The following NOBOX variants were observed in gnomAD, a reference collection of about 807,000 sequenced individuals.
The protein encoded by NOBOX is NOBOX oogenesis homeobox, also known as homeobox protein NOBOX.
NOBOX carries 46 observed loss-of-function variants against 60.2 expected under a neutral mutation model. The observed-to-expected ratio is 0.76, with a 90% CI of 0.60 to 0.98. The LOEUF is 0.98. Ranked by LOEUF, NOBOX falls within the 50% of genes least tolerant of loss-of-function variation. The pLI is 0.00. For missense variants in NOBOX, 880 were observed against 865.5 expected, an observed-to-expected ratio of 1.02 and a Z score of -0.21; for synonymous variants, 360 against 346.3, an observed-to-expected ratio of 1.04 and a Z score of -0.44.
At chr7:144,397,805 G>C (rs1255661754) in intron 9 of NOBOX, among the ~76,000 whole-genome samples, 8 of 152,144 alleles carry the variant, frequency 5.3e-5, no homozygotes, top group African/African-American at 1.4e-4. Flanking sequence ...GCAACAAGGA[G>C]ACCAGGAACC....
intron 2 of NOBOX, among the ~76,000 whole-genome samples, chr7:144,402,409 A>G (rs2053948344): frequency 6.6e-6 from 1 of 152,214 alleles, no homozygotes; most frequent in Non-Finnish European, 1.5e-5. Flanking sequence ...AAAGATTAGC[A>G]CAGTGCATAT....
chr7:144,399,718 T>A (rs1429129066), intron 6 of NOBOX, 39 bp downstream of exon 4: 1 of 1,525,882 alleles, frequency 6.6e-7, no homozygotes, highest in Admixed American at 1.9e-5. Context: ...ACCCCACTTC[T>A]ACCCACAGGG....
rs746278371 is a variant in NOBOX, at chr7:144,399,034, G to A, written c.1385C>T (p.Thr462Ile). Residue 462 changes from threonine to isoleucine, a missense_variant, in exon 8 of 10, where the codon ACC (threonine) becomes ATC (isoleucine). Physicochemically the swap from Thr to Ile is moderately conservative, Grantham distance 89 (BLOSUM62 -1). Transcript: ENST00000467773. ...CATCAGCAGTGGCATCAGTTGGGGG[G>A]TGTGGACAGGGCCAAGGGGGAAAGG... is the stretch of plus-strand genomic sequence containing the variant. 14 of 1,598,950 alleles carry A rather than the reference G, an allele frequency of 8.8e-6. No homozygotes were observed. The African/African-American group carries it at 1.2e-4, about 14-fold the overall frequency.
intron 1 of NOBOX, among the ~76,000 whole-genome samples, chr7:144,409,880 G>A (rs566763230): frequency 8.5e-5 from 13 of 152,308 alleles, no homozygotes; most frequent in East Asian, 7.7e-4. Context: ...TTCTAAGGTC[G>A]TAAACCTGAC....
At chr7:144,409,172 A>G (rs1032223558) in intron 1 of NOBOX, among the ~76,000 whole-genome samples, 2 of 152,254 alleles carry the variant, frequency 1.3e-5, no homozygotes, top group Non-Finnish European at 2.9e-5. Flanking sequence ...ATGTTTTGGT[A>G]TAGTAGCATT....
chr7:144,409,648 T>A (rs943681688), intron 1 of NOBOX, among the ~76,000 whole-genome samples: 2 of 152,240 alleles, frequency 1.3e-5, no homozygotes, highest in Non-Finnish European at 2.9e-5. Flanking sequence ...TTATACGTTT[T>A]AAAAAATTAA....
At chr7:144,408,863 G>A (rs2054003192) in intron 1 of NOBOX, among the ~76,000 whole-genome samples, 1 of 152,168 alleles carries the variant, frequency 6.6e-6, no homozygotes, top group African/African-American at 2.4e-5. Context: ...CTATAGTGGT[G>A]GTTCCACAAG....
At chr7:144,402,173 C>A (rs537595220) in intron 2 of NOBOX, among the ~76,000 whole-genome samples, 1 of 150,534 alleles carries the variant, frequency 6.6e-6, no homozygotes, top group South Asian at 2.1e-4. Context: ...TACATGCCCC[C>A]CCGCCCGCAC....
Position 144,398,596 on chromosome 7 carries a change from C to T in NOBOX, c.1470-10G>A, listed in dbSNP as rs1476009903. 1 of 1,533,398 alleles carries T rather than the reference C, an allele frequency of 6.5e-7. No homozygotes were observed. The highest frequency in any genetic ancestry group is 8.7e-7 in the Non-Finnish European group (1 of 1,145,466). 95.0% of individuals were successfully genotyped at this position (1,533,398 alleles called of 1,614,324 possible). A position where few individuals can be genotyped will look rare whatever the true frequency, so the allele number is the denominator to read the frequency against. ...GGGTGGCAGGGTGATGCTGCAAGGA[C>T]AGAGGAACAGCTGGTGAGGTGCAGG... On this transcript the variant is annotated splice_polypyrimidine_tract_variant and intron_variant, in intron 8 of 9. Transcript: ENST00000467773.
intron 2 of NOBOX, among the ~76,000 whole-genome samples, 189 bp downstream of exon 1, chr7:144,403,468 G>A (rs1284706018): frequency 1.3e-5 from 2 of 151,850 alleles, no homozygotes; most frequent in Admixed American, 1.3e-4. Context: ...CGGGGAGGGG[G>A]GTTGCAATCC....
Position 144,399,072 on chromosome 7 carries a change from T to A in NOBOX, c.1347A>T (p.Arg449=). 1.9e-6 allele frequency: 2 copies of A among 1,062,644 alleles called. No homozygotes were observed. Among genetic ancestry groups the A allele is most frequent in the African/African-American group, 1.7e-5 (1 of 59,856 alleles). 65.8% of individuals were successfully genotyped at this position (1,062,644 alleles called of 1,614,324 possible). Reference sequence around the variant, plus strand: ...CAAGGGGGAAAGGAAGATCGGCCCTTCGCACAGGTGGGGGGCTGAAGAGTG... The same window carrying A: ...CAAGGGGGAAAGGAAGATCGGCCCTACGCACAGGTGGGGGGCTGAAGAGTG... The change falls in exon 8 of 10, where the codon CGA becomes CGT. Residue 449 remains arginine, a synonymous_variant. Transcript: ENST00000467773.
At position 144,404,583 on chromosome 7, in the gene NOBOX, G is replaced by T. The variant is rs762791118; in HGVS notation, c.183C>A (p.Ser61Arg). The change falls in exon 2 of 10, where the codon AGC becomes AGA. Residue 61 changes from serine to arginine, a missense_variant. Transcript: ENST00000467773. ...ATTTGAGGGTCTCCAGAGCACAAAG[G>T]CTGCACCGGATGATGAAGAAGGAGC... The T allele has an allele frequency of 6.2e-7, 1 of 1,613,610 alleles. No individual in the cohort carries two copies. Among genetic ancestry groups the T allele is most frequent in the Non-Finnish European group, 8.5e-7 (1 of 1,179,822 alleles).
chr7:144,398,429 AG>A lies in NOBOX; in HGVS notation c.1626del (p.Phe543SerfsTer7), dbSNP rs767957399. On this transcript the variant is annotated frameshift_variant, in exon 9 of 10. Coordinates refer to ENST00000467773, the MANE Select transcript of NOBOX (RefSeq NM_001080413.3). LOFTEE classifies it high-confidence loss of function. Reference sequence around the variant, plus strand: ...AGCGTCAGTGAACTGGGCATGGAGAAGGGGAAAGTGGGGAGGTAGGGCAACT... The same window carrying A: ...AGCGTCAGTGAACTGGGCATGGAGAAGGGAAAGTGGGGAGGTAGGGCAACT... 1.3e-6 allele frequency: 2 copies of A among 1,537,136 alleles called. No homozygotes were observed. The highest frequency in any genetic ancestry group is 8.7e-7 in the Non-Finnish European group (1 of 1,146,912).
intron 1 of NOBOX, among the ~76,000 whole-genome samples, chr7:144,408,258 G>A (rs1157876426): frequency 6.8e-6 from 1 of 148,120 alleles, no homozygotes; most frequent in Non-Finnish European, 1.5e-5. Flanking sequence ...TTTTTTCCTG[G>A]CAAAGTCTTA....
chr7:144,403,613 C>A, intron 2 of NOBOX, 44 bp downstream of exon 1: 1 of 695,072 alleles, frequency 1.4e-6, no homozygotes, highest in South Asian at 1.5e-5. Flanking sequence ...CTCCCCGAAC[C>A]CCCAAAGCCT....
At chr7:144,398,223 T>C (rs2053907111) in intron 9 of NOBOX, 59 bp downstream of exon 7, 12 of 1,485,266 alleles carry the variant, frequency 8.1e-6, no homozygotes, top group Non-Finnish European at 1.1e-5. Context: ...AACTTGGCTC[T>C]TTGTCCCCTC....
At position 144,400,184 on chromosome 7, in the gene NOBOX, C is replaced by A. The variant is rs1563128347; in HGVS notation, c.973G>T (p.Val325Leu). 3.1e-6 allele frequency: 5 copies of A among 1,614,072 alleles called. No individual in the cohort carries two copies. The highest frequency in any genetic ancestry group is 4.2e-6 in the Non-Finnish European group (5 of 1,179,908). Residue 325 changes from valine to leucine, a missense_variant, in exon 5 of 10, where the codon GTG (valine) becomes TTG (leucine). Val to Leu is a conservative substitution (Grantham distance 32). Transcript: ENST00000467773. ...GGCCCTCCGCCACTCCACCCTGCCA[C>A]CAGTGAGCCGGCCCCCTTTACCATG...
chr7:144,404,661 A>C lies in NOBOX; in HGVS notation c.105T>G (p.Pro35=). 1.9e-6 allele frequency: 3 copies of C among 1,613,792 alleles called. No individual in the cohort carries two copies. The highest frequency in any genetic ancestry group is 2.5e-6 in the Non-Finnish European group (3 of 1,179,740). The stretch of plus-strand genomic sequence containing the variant: ...GGTACAGTCCACACACAGGAAATTC[A>C]GGTACAGCCAGGGGCGGCCCTGCCA... The change falls in exon 2 of 10, where the codon CCT becomes CCG. Residue 35 remains proline (P), a synonymous_variant. Coordinates refer to ENST00000467773, the MANE Select transcript of NOBOX (RefSeq NM_001080413.3).
chr7:144,401,363 G>C lies in NOBOX; in HGVS notation c.527C>G (p.Ser176Cys). Reference sequence around the variant, plus strand: ...ATCTTCCCCCTGAGTCTGGGGCCTGGAGCGGGCTAGAGTTCTGTCTTTGTG... The same window carrying C: ...ATCTTCCCCCTGAGTCTGGGGCCTGCAGCGGGCTAGAGTTCTGTCTTTGTG... The change falls in exon 4 of 10, where the codon TCC becomes TGC. Residue 176 changes from serine (S) to cysteine (C), a missense_variant. Physicochemically the swap from Ser to Cys is moderately radical, Grantham distance 112. Coordinates refer to ENST00000467773, the MANE Select transcript of NOBOX (RefSeq NM_001080413.3). The surrounding 1 kb of genome is among the most constrained non-coding windows in gnomAD (Gnocchi z 4.2). 1.2e-6 allele frequency: 2 copies of C among 1,613,850 alleles called. No homozygotes were observed. The highest frequency in any genetic ancestry group is 1.1e-5 in the South Asian group (1 of 91,050).
Sources: gnomAD v4.1 joint callset for allele counts (sites outside exome capture counted in the v4.1 genomes callset) on GRCh38, gnomAD v4.1.1 for gene constraint, Gnocchi (gnomAD v3.1) non-coding constraint, MANE v1.5 for transcripts, NCBI Gene and HGNC (gene_info 2026-07-23, HGNC 2026-07-21) for gene names.